The following CFAP57 variants were observed in gnomAD, a reference collection of about 807,000 sequenced individuals.
CFAP57 encodes cilia and flagella associated protein 57, also known as cilia- and flagella-associated protein 57.
CFAP57 carries 116 observed loss-of-function variants against 146.8 expected under a neutral mutation model. The ratio of observed to expected loss-of-function variants is 0.79; its 90% CI spans 0.68 to 0.92. The LOEUF (loss-of-function observed/expected upper bound fraction) is 0.92, where lower values mean the gene tolerates loss of function less well. Among genes scored for constraint, CFAP57 ranks in the 40% least tolerant of loss-of-function variants. The pLI, the probability that CFAP57 is intolerant of heterozygous loss-of-function variation, is 0.00. For missense variants in CFAP57, 1,377 were observed against 1,527.2 expected, an observed-to-expected ratio of 0.90 and a Z score of 1.64; for synonymous variants, 518 against 552.8, an observed-to-expected ratio of 0.94 and a Z score of 0.88.
rs1434215104 is a variant in CFAP57 at position 43,232,553 on chromosome 1, G to A, written c.3055G>A (p.Glu1019Lys). 3 of 1,550,192 alleles carry A rather than the reference G, an allele frequency of 1.9e-6. No individual in the cohort carries two copies. Among genetic ancestry groups the A allele is most frequent in the African/African-American group, 1.4e-5 (1 of 73,172 alleles). Residue 1019 changes from glutamate (E) to lysine (K), a missense_variant, in exon 19 of 23, where the codon GAG becomes AAG. Physicochemically the swap from Glu to Lys is moderately conservative, Grantham distance 56. Transcript: ENST00000372492. ...TTTCCATAAGCAGAACACTCAACTG[G>A]AGCTGAACATCACAGAATTGTGGCA... is the stretch of plus-strand genomic sequence containing the variant. ...ENFHKQNTQL[E>K]LNITELWQKL...
Position 43,238,662 on chromosome 1 carries a change from A to C in CFAP57, c.3405+4024A>C, listed in dbSNP as rs1436430403. 1.3e-5 allele frequency among the ~76,000 whole-genome samples: 2 copies of C among 152,216 alleles called. No individual in the cohort carries two copies. Among genetic ancestry groups the C allele is most frequent in the Non-Finnish European group, 2.9e-5 (2 of 68,044 alleles). On this transcript the variant is annotated intron_variant, in intron 21 of 22. Transcript: ENST00000372492. The surrounding 1 kb of genome is among the most constrained non-coding windows in gnomAD (Gnocchi z 4.3). The stretch of plus-strand genomic sequence containing the variant: ...GTGACCTCGGGACCCCTCGGAACAC[A>C]GGCCACCCCAGAAAACATTTTGCAG...
At chr1:43,223,763 G>A (rs530713232) in intron 16 of CFAP57, among the ~76,000 whole-genome samples, 3 of 152,278 alleles carry the variant, frequency 2.0e-5, no homozygotes, top group East Asian at 1.9e-4. Flanking sequence ...TTGGTGTACC[G>A]GTCTCTGGAA....
intron 6 of CFAP57, among the ~76,000 whole-genome samples, chr1:43,194,210 G>T (rs1643723254): frequency 6.6e-6 from 1 of 151,938 alleles, no homozygotes; most frequent in Non-Finnish European, 1.5e-5. Context: ...CTAAAAGATA[G>T]CTTTGCAGGA....
At chr1:43,234,448 C>T in intron 20 of CFAP57, 35 bp downstream of exon 20, 1 of 1,542,434 alleles carries the variant, frequency 6.5e-7, no homozygotes, top group Non-Finnish European at 8.8e-7. Context: ...ATGCACTGAC[C>T]TCCGGGGTCT....
chr1:43,229,562 A>T (rs552283421), intron 18 of CFAP57, among the ~76,000 whole-genome samples: 1 of 148,552 alleles, frequency 6.7e-6, no homozygotes, highest in Non-Finnish European at 1.5e-5. Context: ...TAGAGCTGCA[A>T]CTTCTAATAA....
At chr1:43,199,321 C>T (rs144406957) in intron 8 of CFAP57, 69 bp from the exon 9 acceptor site, 1 of 1,492,442 alleles carries the variant, frequency 6.7e-7, no homozygotes, top group East Asian at 2.3e-5. Flanking sequence ...AAAAGCACCT[C>T]TTGACTGTAA....
chr1:43,222,465 C>T (rs762228024), intron 15 of CFAP57, among the ~76,000 whole-genome samples, 170 bp downstream of exon 15: 9 of 152,106 alleles, frequency 5.9e-5, no homozygotes, highest in African/African-American at 1.4e-4. Context: ...CAAATAACAT[C>T]GCAAATAAAT....
chr1:43,236,913 C>CAAAA (rs5773804), intron 21 of CFAP57, among the ~76,000 whole-genome samples: 1 of 146,066 alleles, frequency 6.8e-6, no homozygotes. Context: ...CATCCCCCCC[C>CAAAA]AAAAAAAAAA....
rs145155093 is a variant in CFAP57 at position 43,185,182 on chromosome 1, C to A, written c.795C>A (p.Leu265=). Reference sequence around the variant, plus strand: ...AATTTCCACCAGTCAGTTCTCCACTCCCTTCCTATGAACAGATGGTGGCGG... The same window carrying A: ...AATTTCCACCAGTCAGTTCTCCACTACCTTCCTATGAACAGATGGTGGCGG... ...LIEFPPVSSP[L]PSYEQMVAAS... The change falls in exon 5 of 23, where the codon CTC becomes CTA. Residue 265 remains leucine (L), a synonymous_variant. Transcript: ENST00000372492. 4 of 1,614,050 alleles carry A rather than the reference C, an allele frequency of 2.5e-6. No homozygotes were observed. The highest frequency in any genetic ancestry group is 1.3e-5 in the African/African-American group (1 of 74,910).
chr1:43,201,633 G>A lies in CFAP57; in HGVS notation c.1542+2130G>A, dbSNP rs371110766. Among the ~76,000 whole-genome samples the A allele has an allele frequency of 6.6e-6, 1 of 151,970 alleles. No individual in the cohort carries two copies. Among genetic ancestry groups the A allele is most frequent in the Admixed American group, 6.5e-5 (1 of 15,272 alleles). On this transcript the variant is annotated intron_variant, in intron 9 of 22. Transcript: ENST00000372492. This position sits in a 1 kb window ranked among gnomAD's most constrained non-coding sequence, Gnocchi z 4.4. The stretch of plus-strand genomic sequence containing the variant: ...CCCAAGTAACACAAACTCTTTTTTT[G>A]AGACAGAGTTTCGCTTTCGTTGCCC...
intron 21 of CFAP57, among the ~76,000 whole-genome samples, chr1:43,236,045 G>A (rs960294920): frequency 6.9e-6 from 1 of 144,158 alleles, no homozygotes; most frequent in Admixed American, 7.1e-5. Flanking sequence ...GGAGGGTGCT[G>A]GGCCAGGGTG....
intron 2 of CFAP57, 79 bp downstream of exon 2, chr1:43,172,989 A>C (rs1487636821): frequency 1.4e-6 from 2 of 1,405,952 alleles, no homozygotes; most frequent in Non-Finnish European, 2.0e-6. Flanking sequence ...TGATGATTGG[A>C]AAGAAAGATT....
intron 9 of CFAP57, among the ~76,000 whole-genome samples, chr1:43,204,052 C>A (rs959523478): frequency 6.6e-6 from 1 of 152,178 alleles, no homozygotes; most frequent in African/African-American, 2.4e-5. Flanking sequence ...TCTCTCTGTT[C>A]TTCCAATTGC....
At chr1:43,181,988 C>A in intron 3 of CFAP57, 138 bp downstream of exon 3, 1 of 991,294 alleles carries the variant, frequency 1.0e-6, no homozygotes, top group Non-Finnish European at 1.5e-6. Flanking sequence ...ATAAGGTATG[C>A]ACAATCATTA....
intron 2 of CFAP57, among the ~76,000 whole-genome samples, chr1:43,178,326 G>GA (rs1381114810): frequency 1.3e-5 from 2 of 152,122 alleles, no homozygotes; most frequent in Non-Finnish European, 2.9e-5. Flanking sequence ...CACAGCAAAA[G>GA]AAACTACCAT....
At chr1:43,221,701 G>A (rs1300089796) in intron 14 of CFAP57, among the ~76,000 whole-genome samples, 3 of 152,200 alleles carry the variant, frequency 2.0e-5, no homozygotes, top group African/African-American at 4.8e-5. Context: ...GGTCAAGTTT[G>A]GAACCTGATA....
intron 2 of CFAP57, among the ~76,000 whole-genome samples, chr1:43,180,223 T>TTATATATATATATATATATATATATATA (rs1289107795): frequency 3.1e-4 from 43 of 137,314 alleles, no homozygotes; most frequent in African/African-American, 8.9e-4. Flanking sequence ...TATATATATT[T>TTATATATATATATATATATATATATATA]TATATATATA....
chr1:43,185,748 T>C (rs1338418438), intron 5 of CFAP57, among the ~76,000 whole-genome samples: 3 of 150,484 alleles, frequency 2.0e-5, no homozygotes, highest in African/African-American at 7.4e-5. Flanking sequence ...TGAAACCCCG[T>C]CTGTACTAAA....
intron 2 of CFAP57, among the ~76,000 whole-genome samples, 194 bp from the exon 3 acceptor site, chr1:43,181,340 G>A (rs1422568535): frequency 1.3e-5 from 2 of 152,268 alleles, no homozygotes; most frequent in South Asian, 2.1e-4. Flanking sequence ...CTGAAGTGCC[G>A]GGATTACAGG....
Sources: allele counts gnomAD v4.1 joint callset (sites outside exome capture counted in the v4.1 genomes callset), GRCh38; gene constraint gnomAD v4.1.1; non-coding constraint Gnocchi (gnomAD v3.1); transcripts MANE v1.5; gene names NCBI Gene and HGNC (gene_info 2026-07-23, HGNC 2026-07-21).